KCNC2: variants seen among roughly 807,000 people sequenced by gnomAD.
KCNC2 encodes the protein voltage-gated potassium channel KCNC2.
KCNC2 carries 21 observed loss-of-function variants against 44.5 expected under a neutral mutation model. The ratio of observed to expected loss-of-function variants is 0.47; its 90% CI spans 0.33 to 0.68. The LOEUF is 0.68. Among genes scored for constraint, KCNC2 ranks in the 30% least tolerant of loss-of-function variants. KCNC2 has a pLI of 0.01. For synonymous variants in KCNC2, 391 were observed against 339.1 expected, an observed-to-expected ratio of 1.15 and a Z score of -1.68; for missense variants, 589 against 826.2, an observed-to-expected ratio of 0.71 and a Z score of 3.52.
At chr12:75,152,555 C>A (rs1030218541) in intron 2 of KCNC2, among the ~76,000 whole-genome samples, 5 of 151,592 alleles carry the variant, frequency 3.3e-5, no homozygotes, top group Non-Finnish European at 7.4e-5. Flanking sequence ...TCCTTCAAGG[C>A]AAAGAAAAAT....
chr12:75,145,213 CA>C (rs5799212), intron 2 of KCNC2, among the ~76,000 whole-genome samples: 8,142 of 142,120 alleles, frequency 0.057, 261 homozygotes, highest in African/African-American at 0.087. Flanking sequence ...GGATCCTCTC[CA>C]AAAAAAAAAA....
chr12:75,082,421 T>C (rs901585366), intron 2 of KCNC2, among the ~76,000 whole-genome samples: 3 of 151,890 alleles, frequency 2.0e-5, no homozygotes, highest in African/African-American at 7.2e-5. Flanking sequence ...AGATGTTTGT[T>C]ATTCTGGTTG....
intron 2 of KCNC2, among the ~76,000 whole-genome samples, chr12:75,116,706 T>G (rs191734997): frequency 1.4e-4 from 21 of 152,244 alleles, no homozygotes; most frequent in African/African-American, 4.6e-4. Context: ...GAAAGGCTGA[T>G]TAAAACGATG....
intron 2 of KCNC2, among the ~76,000 whole-genome samples, chr12:75,146,248 C>T (rs553942709): frequency 1.3e-5 from 2 of 152,130 alleles, no homozygotes; most frequent in Admixed American, 1.3e-4. Context: ...ACCTTACTGA[C>T]TTTTATTTTT....
intron 2 of KCNC2, among the ~76,000 whole-genome samples, chr12:75,178,920 A>G (rs190195994): frequency 1.8e-4 from 28 of 152,122 alleles, no homozygotes; most frequent in African/African-American, 6.3e-4. Context: ...GAGCTAATAA[A>G]TCAGGTAATA....
intron 2 of KCNC2, among the ~76,000 whole-genome samples, chr12:75,203,848 C>T (rs1163016879): frequency 6.6e-6 from 1 of 151,750 alleles, no homozygotes; most frequent in Non-Finnish European, 1.5e-5. Flanking sequence ...GTATTTTGTC[C>T]TTATGTGATT....
intron 2 of KCNC2, among the ~76,000 whole-genome samples, chr12:75,178,452 T>C (rs191696882): frequency 2.6e-5 from 4 of 152,202 alleles, no homozygotes; most frequent in Non-Finnish European, 5.9e-5. Context: ...CTATTGATGC[T>C]GAAGGCAGTG....
chr12:75,130,618 A>G (rs538822674), intron 2 of KCNC2, among the ~76,000 whole-genome samples: 5 of 152,324 alleles, frequency 3.3e-5, no homozygotes, highest in Non-Finnish European at 7.4e-5. Context: ...ATAAGAAATT[A>G]TTATAAGGGT....
intron 2 of KCNC2, among the ~76,000 whole-genome samples, chr12:75,168,148 A>G (rs1891579558): frequency 1.3e-5 from 2 of 151,426 alleles, no homozygotes; most frequent in African/African-American, 2.4e-5. Context: ...ATGATTTGAG[A>G]AAAACCGAAA....
At chr12:75,095,869 A>G (rs1403702129) in intron 2 of KCNC2, among the ~76,000 whole-genome samples, 1 of 151,922 alleles carries the variant, frequency 6.6e-6, no homozygotes, top group Non-Finnish European at 1.5e-5. Flanking sequence ...TAATTATAAT[A>G]ATTTATTCTA....
chr12:75,102,019 G>A (rs929256903), intron 2 of KCNC2, among the ~76,000 whole-genome samples: 1 of 151,906 alleles, frequency 6.6e-6, no homozygotes, highest in Admixed American at 6.6e-5. Flanking sequence ...GAAAGTCAAC[G>A]GCCCAAGGGA....
intron 2 of KCNC2, among the ~76,000 whole-genome samples, chr12:75,086,681 A>AAAAATATATATATATATAT (rs1206456289): frequency 5.5e-5 from 3 of 54,196 alleles, no homozygotes; most frequent in African/African-American, 7.8e-5. Context: ...AAAAAAAAAA[A>AAAAATATATATATATATAT]ATATATATAT....
chr12:75,041,547 C>A lies in KCNC2; in HGVS notation c.*1558G>T. On this transcript the variant is annotated 3_prime_UTR_variant, in exon 5 of 5. Coordinates refer to ENST00000549446, the MANE Select transcript of KCNC2 (RefSeq NM_139137.4). The stretch of plus-strand genomic sequence containing the variant: ...TTTATCCCTCTATTTATATTACGGT[C>A]TTTTTCTTCCCTCACATGCTCAATA... 1 of 1,114,406 alleles carries A rather than the reference C, an allele frequency of 9.0e-7. No homozygotes were observed. The highest frequency in any genetic ancestry group is 1.1e-6 in the Non-Finnish European group (1 of 904,438). The allele number at this position is 1,114,406 out of a possible 1,614,324, so 69.0% of individuals were successfully genotyped here.
At chr12:75,150,002 C>T (rs1322833893) in intron 2 of KCNC2, among the ~76,000 whole-genome samples, 1 of 151,806 alleles carries the variant, frequency 6.6e-6, no homozygotes, top group Non-Finnish European at 1.5e-5. Context: ...GTCCAGAACT[C>T]TTTGGTATTT....
At chr12:75,077,724 C>G (rs1233301893) in intron 2 of KCNC2, among the ~76,000 whole-genome samples, 1 of 152,024 alleles carries the variant, frequency 6.6e-6, no homozygotes, top group African/African-American at 2.4e-5. Flanking sequence ...TGAGTAATGT[C>G]CTTTGTTAGA....
At chr12:75,124,676 A>C (rs907572860) in intron 2 of KCNC2, 2 of 152,210 alleles carry the variant, frequency 1.3e-5, no homozygotes, top group Non-Finnish European at 2.9e-5. Flanking sequence ...TTTTTTAAAA[A>C]ATTTGCTTTC....
At chr12:75,067,877 C>CA (rs371485292) in intron 2 of KCNC2, among the ~76,000 whole-genome samples, 2,087 of 144,344 alleles carry the variant, frequency 0.014, 31 homozygotes, top group African/African-American at 0.048. Flanking sequence ...ACTCTTAGGG[C>CA]AAAAAAAAAA....
At chr12:75,108,666 C>T (rs1392113080) in intron 2 of KCNC2, among the ~76,000 whole-genome samples, 2 of 152,220 alleles carry the variant, frequency 1.3e-5, no homozygotes, top group African/African-American at 4.8e-5. Flanking sequence ...TCCCCTCAAG[C>T]CCTCAGAGCT....
intron 2 of KCNC2, among the ~76,000 whole-genome samples, chr12:75,153,418 T>C (rs1283016255): frequency 6.6e-6 from 1 of 151,840 alleles, no homozygotes; most frequent in African/African-American, 2.4e-5. Context: ...CTAAATAATG[T>C]GTACACATGG....
Sources: allele counts gnomAD v4.1 joint callset (sites outside exome capture counted in the v4.1 genomes callset), GRCh38; gene constraint gnomAD v4.1.1; transcripts MANE v1.5; gene names NCBI Gene and HGNC (gene_info 2026-07-23, HGNC 2026-07-21).